Variants in ASH1L observed in about 807,000 individuals in gnomAD.
ASH1L encodes the protein ASH1 like histone lysine methyltransferase.
In ASH1L, 23 loss-of-function variants were observed where a neutral mutation model predicts 269.0. The observed-to-expected ratio is 0.09, with a 90% CI of 0.06 to 0.12. The LOEUF is 0.12. Among genes scored for constraint, ASH1L ranks in the 10% least tolerant of loss-of-function variants. ASH1L has a pLI of 1.00. For synonymous variants in ASH1L, 1,187 were observed against 1,253.5 expected (o/e 0.95, Z 1.12); for missense variants, 2,912 against 3,567.8 (o/e 0.82, Z 4.68).
At chr1:155,342,845 A>T (rs1001256404) in intron 24 of ASH1L, among the ~76,000 whole-genome samples, 2 of 152,200 alleles carry the variant, frequency 1.3e-5, no homozygotes, top group Admixed American at 6.5e-5. Flanking sequence ...ATAAAAAAGA[A>T]TAAACTTTTA....
intron 1 of ASH1L, among the ~76,000 whole-genome samples, chr1:155,548,960 C>A (rs1671012521): frequency 1.3e-5 from 2 of 152,124 alleles, no homozygotes; most frequent in East Asian, 1.9e-4. Flanking sequence ...TTCAACCAAC[C>A]ACGGATCAAA....
intron 12 of ASH1L, among the ~76,000 whole-genome samples, chr1:155,361,080 A>T (rs1654899393): frequency 6.6e-6 from 1 of 152,010 alleles, no homozygotes; most frequent in East Asian, 1.9e-4. Context: ...CTCTACTAAA[A>T]ATATAAAAAT....
intron 4 of ASH1L, among the ~76,000 whole-genome samples, chr1:155,447,355 A>C (rs1663115005): frequency 6.6e-6 from 1 of 151,946 alleles, no homozygotes; most frequent in South Asian, 2.1e-4. Context: ...AAAAAATATT[A>C]ATTTATTAAT....
intron 26 of ASH1L, among the ~76,000 whole-genome samples, chr1:155,338,874 G>T (rs1450595773): frequency 6.6e-6 from 1 of 152,170 alleles, no homozygotes; most frequent in Non-Finnish European, 1.5e-5. Context: ...AACAGATGAG[G>T]AGACTGAAGA....
At position 155,343,151 on chromosome 1, in the gene ASH1L, C is replaced by T; in HGVS notation, c.8293+163G>A. The T allele has an allele frequency of 1.5e-6, 1 of 678,544 alleles. No homozygotes were observed. The highest frequency in any genetic ancestry group is 2.4e-6 in the Non-Finnish European group (1 of 410,328). The allele number at this position is 678,544 out of a possible 1,614,324, so 42.0% of individuals were successfully genotyped here. A position where few individuals can be genotyped will look rare whatever the true frequency, so the allele number is the denominator to read the frequency against. ...AGTTGGGACTACAGGCCTACACTGC[C>T]ATGCCCAGCTACAGAGGCAGAGTTT... On this transcript the variant is annotated intron_variant, in intron 24 of 27. Transcript: ENST00000392403. The surrounding 1 kb of genome is among the most constrained non-coding windows in gnomAD (Gnocchi z 6.1).
At chr1:155,498,859 G>C (rs1222109400) in intron 2 of ASH1L, among the ~76,000 whole-genome samples, 1 of 147,464 alleles carries the variant, frequency 6.8e-6, no homozygotes, top group African/African-American at 2.5e-5. Context: ...TTCAAGAAAA[G>C]TACGCTTCAG....
At chr1:155,412,892 G>GT (rs60312610) in intron 6 of ASH1L, among the ~76,000 whole-genome samples, 2,840 of 139,868 alleles carry the variant, frequency 0.02, 60 homozygotes, top group African/African-American at 0.062. Context: ...TCTTCTGTGT[G>GT]TTTTTTTTTT....
chr1:155,503,341 C>A (rs374975350), intron 2 of ASH1L, among the ~76,000 whole-genome samples: 2 of 152,034 alleles, frequency 1.3e-5, no homozygotes, highest in African/African-American at 4.8e-5. Context: ...TGTCAAAATG[C>A]CTTTGTGTAC....
intron 3 of ASH1L, among the ~76,000 whole-genome samples, chr1:155,461,802 GTTTTTT>G (rs398053426): frequency 7.9e-6 from 1 of 127,120 alleles, no homozygotes; most frequent in Admixed American, 8.2e-5. Flanking sequence ...GGGTTTGAGG[GTTTTTT>G]TTTTTTTTTT....
rs1282494271 is a variant in ASH1L at position 155,336,303 on chromosome 1, TAC to T, written c.*1355_*1356del. 1 of 152,136 alleles carries T rather than the reference TAC, an allele frequency of 6.6e-6. No homozygotes were observed. Among genetic ancestry groups the T allele is most frequent in the East Asian group, 1.9e-4 (1 of 5,282 alleles). 9.4% of individuals were successfully genotyped at this position (152,136 alleles called of 1,614,324 possible). A position where few individuals can be genotyped will look rare whatever the true frequency, so the allele number is the denominator to read the frequency against. ...TAGAAAAAAGTAATGGGGACATGTTTACTATTGTATTGCTTACCAATCACACA... is the reference window on the plus strand; with the variant it reads ...TAGAAAAAAGTAATGGGGACATGTTTTATTGTATTGCTTACCAATCACACA... On this transcript the variant is annotated 3_prime_UTR_variant, in exon 28 of 28. Coordinates refer to ENST00000392403, the MANE Select transcript of ASH1L (RefSeq NM_018489.3).
chr1:155,462,351 C>T lies in ASH1L; in HGVS notation c.4985-2453G>A, dbSNP rs1288497738. ...GTTCTTAGGCTATTTGGTAGTGTTT[C>T]CTGAATTTCTTGGTCATCTTCAAGA... On this transcript the variant is annotated intron_variant, in intron 3 of 27. Coordinates refer to ENST00000392403, the MANE Select transcript of ASH1L (RefSeq NM_018489.3). Among the ~76,000 whole-genome samples, 3 of 152,150 alleles carry T rather than the reference C, an allele frequency of 2.0e-5. No individual in the cohort carries two copies. In the East Asian group the frequency reaches 5.8e-4, roughly 29 times the overall value.
At chr1:155,456,428 T>C (rs977803372) in intron 4 of ASH1L, among the ~76,000 whole-genome samples, 2 of 152,220 alleles carry the variant, frequency 1.3e-5, no homozygotes, top group African/African-American at 4.8e-5. Flanking sequence ...ACATCTAATG[T>C]TGACTAATCT....
chr1:155,339,790 A>G (rs1410270066), intron 25 of ASH1L, among the ~76,000 whole-genome samples: 11 of 152,222 alleles, frequency 7.2e-5, no homozygotes. Context: ...AAGCCTATAT[A>G]TACAGCACAA....
intron 1 of ASH1L, among the ~76,000 whole-genome samples, chr1:155,530,354 C>T (rs1669582926): frequency 6.6e-6 from 1 of 152,130 alleles, no homozygotes; most frequent in African/African-American, 2.4e-5. Context: ...CACTAGCTGG[C>T]ATATAGTAGG....
At chr1:155,462,397 AC>A (rs1664374380) in intron 3 of ASH1L, among the ~76,000 whole-genome samples, 1 of 152,190 alleles carries the variant, frequency 6.6e-6, no homozygotes, top group Non-Finnish European at 1.5e-5. Context: ...GAAGGCTTCA[AC>A]TGTACCTTTG....
chr1:155,498,544 C>T lies in ASH1L; in HGVS notation c.421-16095G>A, dbSNP rs2148787602. Reference sequence around the variant, plus strand: ...GCAACCTCTGCCTCCCGGGTTCAAGCGATTCTCCTCCCTCAGCCTTCCAAG... The same window carrying T: ...GCAACCTCTGCCTCCCGGGTTCAAGTGATTCTCCTCCCTCAGCCTTCCAAG... On this transcript the variant is annotated intron_variant, in intron 2 of 27. Coordinates refer to ENST00000392403, the MANE Select transcript of ASH1L (RefSeq NM_018489.3). Among the ~76,000 whole-genome samples, 4 of 151,984 alleles carry T rather than the reference C, an allele frequency of 2.6e-5. No individual in the cohort carries two copies. In the South Asian group the frequency reaches 8.3e-4, roughly 32 times the overall value.
At chr1:155,467,930 T>C (rs899225580) in intron 3 of ASH1L, among the ~76,000 whole-genome samples, 2 of 152,198 alleles carry the variant, frequency 1.3e-5, no homozygotes, top group Admixed American at 6.5e-5. Flanking sequence ...GTATGTCCTT[T>C]ACCCAACATC....
chr1:155,370,294 A>T, intron 12 of ASH1L: 1 of 599,316 alleles, frequency 1.7e-6, no homozygotes, highest in Non-Finnish European at 2.9e-6. Context: ...AAACAAAAAA[A>T]CAGAACACAA....
At chr1:155,549,994 A>G (rs555440199) in intron 1 of ASH1L, among the ~76,000 whole-genome samples, 1 of 151,426 alleles carries the variant, frequency 6.6e-6, no homozygotes, top group South Asian at 2.1e-4. Flanking sequence ...TCAACACCAC[A>G]ATCAGCTGTT....
Sources: gnomAD v4.1 joint callset for allele counts (sites outside exome capture counted in the v4.1 genomes callset) on GRCh38, gnomAD v4.1.1 for gene constraint, Gnocchi (gnomAD v3.1) non-coding constraint, MANE v1.5 for transcripts, NCBI Gene and HGNC (gene_info 2026-07-23, HGNC 2026-07-21) for gene names.